The following CNTLN variants were observed in gnomAD, a reference collection of about 807,000 sequenced individuals.
The protein encoded by CNTLN is centlein, centrosomal protein.
In CNTLN, 212 loss-of-function variants were observed where a neutral mutation model predicts 180.0. The observed-to-expected ratio is 1.18, with a 90% CI of 1.05 to 1.32. The LOEUF (loss-of-function observed/expected upper bound fraction) is 1.32, where lower values mean the gene tolerates loss of function less well. Ranked by LOEUF, CNTLN falls within the 40% of genes most tolerant of loss-of-function variation. CNTLN has a pLI of 0.00. For synonymous variants in CNTLN, 722 were observed against 563.1 expected (o/e 1.28, Z -3.99); for missense variants, 2,095 against 1,610.9 (o/e 1.30, Z -5.14).
At chr9:17,269,064 A>G (rs1168255283) in intron 5 of CNTLN, among the ~76,000 whole-genome samples, 4 of 151,584 alleles carry the variant, frequency 2.6e-5, no homozygotes, top group Non-Finnish European at 2.9e-5. Context: ...ACTGCCTGGC[A>G]CTCCCTAGTG....
chr9:17,504,327 C>T (rs191755492), downstream of CNTLN, among the ~76,000 whole-genome samples: 10 of 152,060 alleles, frequency 6.6e-5, no homozygotes, highest in East Asian at 1.9e-4. Context: ...CAGGAAAGCA[C>T]GAGTAATAAA....
At chr9:17,249,144 C>G (rs2132259164) in intron 5 of CNTLN, among the ~76,000 whole-genome samples, 1 of 152,062 alleles carries the variant, frequency 6.6e-6, no homozygotes, top group African/African-American at 2.4e-5. Context: ...TCTTAAGTTA[C>G]TAGGTTCTCA....
intron 16 of CNTLN, among the ~76,000 whole-genome samples, chr9:17,413,003 C>T (rs1277609216): frequency 6.6e-6 from 1 of 152,042 alleles, no homozygotes; most frequent in Non-Finnish European, 1.5e-5. Context: ...TATGTTTGCC[C>T]CACAGATGGT....
At chr9:17,382,548 A>G (rs1335511096) in intron 13 of CNTLN, among the ~76,000 whole-genome samples, 3 of 152,240 alleles carry the variant, frequency 2.0e-5, no homozygotes, top group Non-Finnish European at 4.4e-5. Flanking sequence ...ATTAATATTA[A>G]CTAATTCTTT....
chr9:17,188,075 A>C (rs1184389490), intron 2 of CNTLN, among the ~76,000 whole-genome samples: 1 of 150,824 alleles, frequency 6.6e-6, no homozygotes, highest in Non-Finnish European at 1.5e-5. Flanking sequence ...GTTTCCTTTG[A>C]ATTCTTTCCC....
intron 5 of CNTLN, among the ~76,000 whole-genome samples, chr9:17,246,891 T>C (rs913071776): frequency 6.6e-6 from 1 of 152,100 alleles, no homozygotes; most frequent in African/African-American, 2.4e-5. Flanking sequence ...AGGAGTGTTT[T>C]TTTTTTCTGG....
intron 8 of CNTLN, among the ~76,000 whole-genome samples, chr9:17,326,609 A>G (rs1820308673): frequency 6.6e-6 from 1 of 152,168 alleles, no homozygotes; most frequent in Non-Finnish European, 1.5e-5. Flanking sequence ...CTGGGGAGAA[A>G]AGAGTAGCTT....
intron 8 of CNTLN, among the ~76,000 whole-genome samples, chr9:17,326,679 C>G (rs1820313612): frequency 6.6e-6 from 1 of 152,116 alleles, no homozygotes; most frequent in African/African-American, 2.4e-5. Flanking sequence ...TGAATATCAA[C>G]AGTCATAAAT....
In CNTLN at chr9:17,399,864, C is replaced by G. The variant is rs913207051; in HGVS notation, c.2615+4795C>G. On this transcript the variant is annotated intron_variant, in intron 15 of 25. Coordinates refer to ENST00000380647, the MANE Select transcript of CNTLN (RefSeq NM_017738.4). ...CACCAAGATGAATCTGAATGAACAG[C>G]CACACTAAGTGTCCCCCAGTTTACT... Among the ~76,000 whole-genome samples, 16 of 152,284 alleles carry G rather than the reference C, an allele frequency of 1.1e-4. No individual in the cohort carries two copies. In the East Asian group the frequency reaches 3.1e-3, roughly 29 times the overall value.
intron 3 of CNTLN, among the ~76,000 whole-genome samples, chr9:17,229,806 T>A (rs1824699633): frequency 6.6e-6 from 1 of 151,988 alleles, no homozygotes; most frequent in African/African-American, 2.4e-5. Flanking sequence ...ACAGCTGGGG[T>A]AAATAGGTTT....
chr9:17,147,496 C>T (rs116205526), intron 2 of CNTLN, among the ~76,000 whole-genome samples: 435 of 152,258 alleles, frequency 2.9e-3, no homozygotes, highest in African/African-American at 9.7e-3. Flanking sequence ...TGAAAAGCAG[C>T]ATCCTCTTCT....
intron 11 of CNTLN, among the ~76,000 whole-genome samples, chr9:17,341,589 A>G (rs1359598545): frequency 1.3e-5 from 2 of 152,160 alleles, no homozygotes; most frequent in Admixed American, 1.3e-4. Context: ...CTACCTTCTC[A>G]TCTTTTGAGA....
chr9:17,290,717 C>T (rs1255746760), intron 6 of CNTLN, among the ~76,000 whole-genome samples: 8 of 151,586 alleles, frequency 5.3e-5, no homozygotes, highest in South Asian at 2.1e-4. Flanking sequence ...CATGGTTCGC[C>T]GCTTTTTAAG....
chr9:17,200,996 G>C (rs905033491), intron 2 of CNTLN, among the ~76,000 whole-genome samples: 1 of 152,150 alleles, frequency 6.6e-6, no homozygotes, highest in Non-Finnish European at 1.5e-5. Context: ...GTTATTTTGC[G>C]ATACGTTCCA....
intron 8 of CNTLN, among the ~76,000 whole-genome samples, chr9:17,315,660 T>C (rs1037901419): frequency 6.6e-6 from 1 of 152,030 alleles, no homozygotes; most frequent in African/African-American, 2.4e-5. Context: ...AGCTCTTTTT[T>C]GTATCTTCAA....
intron 7 of CNTLN, among the ~76,000 whole-genome samples, chr9:17,303,663 A>G (rs1461232083): frequency 6.6e-6 from 1 of 151,984 alleles, no homozygotes; most frequent in Non-Finnish European, 1.5e-5. Context: ...TTTAGTGTTC[A>G]TTTATGTCAG....
rs1305107258 is a variant in CNTLN, at chr9:17,395,172, A to C, written c.2615+103A>C. 17 of 1,434,842 alleles carry C rather than the reference A, an allele frequency of 1.2e-5. No individual in the cohort carries two copies. The Admixed American group carries it at 4.3e-4, about 37-fold the overall frequency. The allele number at this position is 1,434,842 out of a possible 1,614,324, so 88.9% of individuals were successfully genotyped here. On this transcript the variant is annotated intron_variant, in intron 15 of 25. Coordinates refer to ENST00000380647, the MANE Select transcript of CNTLN (RefSeq NM_017738.4). ...CAACTACTGTCGATTTGGTATTCAG[A>C]AAAAATACTGTCAGATCCTTTGAAA...
intron 14 of CNTLN, among the ~76,000 whole-genome samples, chr9:17,392,732 C>G (rs1826206265): frequency 6.6e-6 from 1 of 151,686 alleles, no homozygotes; most frequent in Non-Finnish European, 1.5e-5. Flanking sequence ...TGAGAAATAC[C>G]CATGCCCCAG....
At chr9:17,399,244 T>G (rs1198967745) in intron 15 of CNTLN, among the ~76,000 whole-genome samples, 1 of 152,244 alleles carries the variant, frequency 6.6e-6, no homozygotes, top group East Asian at 1.9e-4. Flanking sequence ...TTAATATACT[T>G]GTTTTTCACT....
Sources: allele counts gnomAD v4.1 joint callset (sites outside exome capture counted in the v4.1 genomes callset), GRCh38; gene constraint gnomAD v4.1.1; transcripts MANE v1.5; gene names NCBI Gene and HGNC (gene_info 2026-07-23, HGNC 2026-07-21).